Variants in ADAM12 observed in about 807,000 individuals in gnomAD.
ADAM12 encodes ADAM metallopeptidase domain 12, also known as disintegrin and metalloproteinase domain-containing protein 12.
ADAM12 carries 70 observed loss-of-function variants against 106.4 expected under a neutral mutation model. That is an observed-to-expected ratio of 0.66 (90% CI 0.54 to 0.80). The LOEUF is 0.80. ADAM12 is among the 30% of genes least tolerant of loss of function. ADAM12 has a pLI of 0.00. For missense variants in ADAM12, 1,010 were observed against 1,171.9 expected, an observed-to-expected ratio of 0.86 and a Z score of 2.02; for synonymous variants, 420 against 433.5, an observed-to-expected ratio of 0.97 and a Z score of 0.39.
At chr10:126,165,230 C>A (rs555804902) in intron 3 of ADAM12, among the ~76,000 whole-genome samples, 1 of 152,002 alleles carries the variant, frequency 6.6e-6, no homozygotes, top group African/African-American at 2.4e-5. Context: ...TGCAGTGGTG[C>A]GATCCCGGCT....
chr10:126,386,716 T>G (rs1406652886), intron 1 of ADAM12, among the ~76,000 whole-genome samples: 1 of 152,250 alleles, frequency 6.6e-6, no homozygotes, highest in Non-Finnish European at 1.5e-5. Flanking sequence ...TCTCTTTATG[T>G]GTACAAAGCA....
intron 5 of ADAM12, among the ~76,000 whole-genome samples, chr10:126,135,106 C>T (rs1956380811): frequency 6.6e-6 from 1 of 152,196 alleles, no homozygotes; most frequent in Admixed American, 6.5e-5. Context: ...GTAGCAAACC[C>T]CCTACCAATC....
At chr10:126,061,311 G>A (rs1954751334) in intron 14 of ADAM12, among the ~76,000 whole-genome samples, 1 of 152,180 alleles carries the variant, frequency 6.6e-6, no homozygotes, top group Non-Finnish European at 1.5e-5. Flanking sequence ...TAGATTATAG[G>A]CTATGTTGGA....
rs554951581 is a variant in ADAM12, at chr10:126,388,335, T to C, written c.-190A>G. On this transcript the variant is annotated 5_prime_UTR_variant, in exon 1 of 23. Transcript: ENST00000448723. The surrounding 1 kb of genome is among the most constrained non-coding windows in gnomAD (Gnocchi z 4.4). ...CTAGCCTTTCATTTTTAAAAAAGTTTCCCCCCGTGTGTGTGCGTGCGTGCG... is the reference window on the plus strand; with the variant it reads ...CTAGCCTTTCATTTTTAAAAAAGTTCCCCCCCGTGTGTGTGCGTGCGTGCG... The C allele has an allele frequency of 4.3e-6, 4 of 928,778 alleles. No individual in the cohort carries two copies. Among genetic ancestry groups the C allele is most frequent in the African/African-American group, 3.5e-5 (2 of 57,258 alleles). 57.5% of individuals were successfully genotyped at this position (928,778 alleles called of 1,614,324 possible).
chr10:126,353,784 A>C (rs951648646), intron 1 of ADAM12, among the ~76,000 whole-genome samples: 38 of 152,192 alleles, frequency 2.5e-4, no homozygotes, highest in Non-Finnish European at 2.2e-4. Context: ...AGAGTCCTTA[A>C]AAAGAAGGGA....
chr10:126,134,303 T>C (rs1956364883), intron 5 of ADAM12, among the ~76,000 whole-genome samples: 1 of 152,198 alleles, frequency 6.6e-6, no homozygotes, highest in Admixed American at 6.5e-5. Context: ...TCTGCTAACT[T>C]GGAGAGACAG....
intron 9 of ADAM12, among the ~76,000 whole-genome samples, chr10:126,099,597 C>T (rs1199501876): frequency 6.6e-6 from 1 of 152,168 alleles, no homozygotes; most frequent in East Asian, 1.9e-4. Flanking sequence ...AACACTCTGA[C>T]TCAAAATACA....
intron 2 of ADAM12, among the ~76,000 whole-genome samples, chr10:126,315,961 C>T (rs1229252313): frequency 6.6e-6 from 1 of 152,206 alleles, no homozygotes; most frequent in African/African-American, 2.4e-5. Context: ...TCAAGGAACA[C>T]TAAAACCAGC....
chr10:126,372,786 TAACC>T, intron 1 of ADAM12, among the ~76,000 whole-genome samples: 1 of 152,324 alleles, frequency 6.6e-6, no homozygotes, highest in East Asian at 1.9e-4. Context: ...TGAGCCTCTA[TAACC>T]AATGGCTTAG....
At chr10:126,124,769 G>A (rs1956172073) in intron 5 of ADAM12, among the ~76,000 whole-genome samples, 1 of 151,732 alleles carries the variant, frequency 6.6e-6, no homozygotes, top group Non-Finnish European at 1.5e-5. Flanking sequence ...GTGCGTGCCT[G>A]TAATCCCATC....
chr10:126,012,541 CA>C lies in ADAM12; in HGVS notation c.*4737del, dbSNP rs1403245401. 1 of 151,706 alleles carries C rather than the reference CA, an allele frequency of 6.6e-6. No homozygotes were observed. Among genetic ancestry groups the C allele is most frequent in the Non-Finnish European group, 1.5e-5 (1 of 68,018 alleles). The allele number at this position is 151,706 out of a possible 1,614,324, so 9.4% of individuals were successfully genotyped here. A position where few individuals can be genotyped will look rare whatever the true frequency, so the allele number is the denominator to read the frequency against. On this transcript the variant is annotated 3_prime_UTR_variant, in exon 23 of 23. Transcript: ENST00000448723. Reference sequence around the variant, plus strand: ...AGAAAAAGGTATGTGAAAAAATTAGCAAACCAAAGCATGATAAATGGATGAA... The same window carrying C: ...AGAAAAAGGTATGTGAAAAAATTAGCAACCAAAGCATGATAAATGGATGAA...
At chr10:126,222,240 A>C (rs1958108454) in intron 3 of ADAM12, among the ~76,000 whole-genome samples, 1 of 151,978 alleles carries the variant, frequency 6.6e-6, no homozygotes, top group African/African-American at 2.4e-5. Context: ...TGCAGAGAGG[A>C]CGCTGGGTTA....
At chr10:126,260,891 T>C (rs957324254) in intron 3 of ADAM12, among the ~76,000 whole-genome samples, 3 of 152,202 alleles carry the variant, frequency 2.0e-5, no homozygotes, top group South Asian at 2.1e-4. Flanking sequence ...TCCATACAAT[T>C]GGCCCTCCGC....
chr10:126,382,458 CT>C (rs1856529322), intron 1 of ADAM12, among the ~76,000 whole-genome samples: 1 of 152,238 alleles, frequency 6.6e-6, no homozygotes, highest in African/African-American at 2.4e-5. Context: ...ACACTATCTT[CT>C]TTTCCCCTGC....
At chr10:126,074,120 G>A (rs942387287) in intron 11 of ADAM12, among the ~76,000 whole-genome samples, 8 of 152,150 alleles carry the variant, frequency 5.3e-5, no homozygotes, top group African/African-American at 1.7e-4. Flanking sequence ...TCAGTGATAC[G>A]CAACTTAGTT....
At chr10:126,374,729 C>T (rs1564763557) in intron 1 of ADAM12, among the ~76,000 whole-genome samples, 1 of 152,084 alleles carries the variant, frequency 6.6e-6, no homozygotes, top group African/African-American at 2.4e-5. Context: ...TAAGGCCCAA[C>T]TACATATAAC....
chr10:126,163,744 T>C (rs1434858398), intron 3 of ADAM12, among the ~76,000 whole-genome samples: 1 of 152,218 alleles, frequency 6.6e-6, no homozygotes, highest in Non-Finnish European at 1.5e-5. Flanking sequence ...ACTTTCCCTA[T>C]TCGGCCTTAT....
At position 126,156,577 on chromosome 10, in the gene ADAM12, C is replaced by T. The variant is rs1192372530; in HGVS notation, c.261-1272G>A. Reference sequence around the variant, plus strand: ...AAATCTCTGCTTCTGTTGCTTCATTCTTTCCTTGTTTTGTTTGTGCATTTT... The same window carrying T: ...AAATCTCTGCTTCTGTTGCTTCATTTTTTCCTTGTTTTGTTTGTGCATTTT... On this transcript the variant is annotated intron_variant, in intron 3 of 22. Coordinates refer to ENST00000448723, the MANE Select transcript of ADAM12 (RefSeq NM_001288973.2). 3.3e-5 allele frequency among the ~76,000 whole-genome samples: 5 copies of T among 152,340 alleles called. No homozygotes were observed. The East Asian group carries it at 9.7e-4, about 29-fold the overall frequency.
intron 3 of ADAM12, among the ~76,000 whole-genome samples, chr10:126,229,534 T>G (rs1958266984): frequency 6.6e-6 from 1 of 152,164 alleles, no homozygotes; most frequent in African/African-American, 2.4e-5. Flanking sequence ...ATAAAACACA[T>G]TAGAAAATAT....
Sources: gnomAD v4.1 joint callset for allele counts (sites outside exome capture counted in the v4.1 genomes callset) on GRCh38, gnomAD v4.1.1 for gene constraint, Gnocchi (gnomAD v3.1) non-coding constraint, MANE v1.5 for transcripts, NCBI Gene and HGNC (gene_info 2026-07-23, HGNC 2026-07-21) for gene names.